LARP4B: variants seen among roughly 807,000 people sequenced by gnomAD.
LARP4B encodes la-related protein 4B.
Under a neutral mutation model 89.8 loss-of-function variants are expected in LARP4B, and 12 were observed. The ratio of observed to expected loss-of-function variants is 0.13; its 90% confidence interval spans 0.09 to 0.22. The LOEUF (loss-of-function observed/expected upper bound fraction) is 0.22, where lower values mean the gene tolerates loss of function less well. LARP4B is among the 10% of genes least tolerant of loss of function. LARP4B has a pLI of 1.00. For missense variants in LARP4B, 757 were observed against 947.7 expected, an observed-to-expected ratio of 0.80 and a Z score of 2.64; for synonymous variants, 367 against 363.3, an observed-to-expected ratio of 1.01 and a Z score of -0.12.
At chr10:954,655 C>T in the LARP4B span, among the ~76,000 whole-genome samples, 3 of 152,202 alleles carry the variant, frequency 2.0e-5, no homozygotes, top group East Asian at 1.9e-4. The surrounding 1 kb of genome is among the most constrained non-coding windows in gnomAD (Gnocchi z 5.0). Flanking sequence ...GGGGTGCGGC[C>T]GTGAGTGGCA....
intron 1 of LARP4B, among the ~76,000 whole-genome samples, chr10:927,035 G>T (rs1837158914): frequency 6.9e-6 from 1 of 143,896 alleles, no homozygotes; most frequent in Non-Finnish European, 1.5e-5. Flanking sequence ...ACGAGACTCG[G>T]TCTCAAAAAA....
intron 1 of LARP4B, among the ~76,000 whole-genome samples, chr10:926,811 T>C (rs1017497301): frequency 6.6e-6 from 1 of 152,168 alleles, no homozygotes; most frequent in East Asian, 1.9e-4. Flanking sequence ...CCAAGGCAGA[T>C]GGGTCACTTG....
intron 8 of LARP4B, among the ~76,000 whole-genome samples, chr10:835,031 C>A (rs1456664503): frequency 1.4e-5 from 2 of 141,584 alleles, no homozygotes. Context: ...CAGAGCAAGA[C>A]TCCGTCTCAA....
chr10:910,250 C>T (rs1268890446), intron 1 of LARP4B, among the ~76,000 whole-genome samples: 1 of 152,156 alleles, frequency 6.6e-6, no homozygotes, highest in Non-Finnish European at 1.5e-5. Context: ...CCAACTTCTG[C>T]TAATGGGGTG....
chr10:886,812 G>A (rs532028276), intron 1 of LARP4B, among the ~76,000 whole-genome samples: 43 of 152,226 alleles, frequency 2.8e-4, no homozygotes, highest in African/African-American at 8.2e-4. Flanking sequence ...GACTACCGCC[G>A]GGCACAGTGG....
At chr10:888,345 A>G (rs989431279) in intron 1 of LARP4B, among the ~76,000 whole-genome samples, 2 of 151,554 alleles carry the variant, frequency 1.3e-5, no homozygotes, top group South Asian at 2.1e-4. Context: ...AACAAAAAAA[A>G]AAAAACACAC....
At chr10:969,184 G>C in the LARP4B span, among the ~76,000 whole-genome samples, 3 of 152,166 alleles carry the variant, frequency 2.0e-5, no homozygotes, top group Admixed American at 2.0e-4. Flanking sequence ...TCAAATATTT[G>C]GGAGGAAAGT....
intron 5 of LARP4B, among the ~76,000 whole-genome samples, chr10:847,274 C>T (rs1225341445): frequency 6.6e-6 from 1 of 152,088 alleles, no homozygotes; most frequent in African/African-American, 2.4e-5. Context: ...CCCGGCACTG[C>T]AGACAGAGGA....
At chr10:965,397 T>C in the LARP4B span, among the ~76,000 whole-genome samples, 481 of 152,198 alleles carry the variant, frequency 3.2e-3, 4 homozygotes, top group African/African-American at 0.01. Context: ...CCCACCTCTG[T>C]GCGGCTCCTG....
intron 2 of LARP4B, among the ~76,000 whole-genome samples, chr10:885,184 C>T (rs1017587254): frequency 1.3e-5 from 2 of 152,186 alleles, no homozygotes; most frequent in South Asian, 2.1e-4. Context: ...AGGGGCCCTG[C>T]TCTGTACCAG....
chr10:893,467 G>A (rs1179574204), intron 1 of LARP4B, among the ~76,000 whole-genome samples: 3 of 152,134 alleles, frequency 2.0e-5, no homozygotes, highest in African/African-American at 7.2e-5. Context: ...AATTGGAAGT[G>A]TAACTTTTTA....
chr10:818,875 T>G (rs1191079769), intron 14 of LARP4B: 1 of 152,226 alleles, frequency 6.6e-6, no homozygotes, highest in Non-Finnish European at 1.5e-5. Context: ...AATCCCTGCA[T>G]CAGTAGATTC....
rs12257489 is a variant in LARP4B, at chr10:827,710, C to T, written c.1125+1675G>A. Among the ~76,000 whole-genome samples, 300 of 152,204 alleles carry T rather than the reference C, an allele frequency of 2.0e-3. 1 individual carries two copies. Among genetic ancestry groups the T allele is most frequent in the African/African-American group, 6.9e-3 (287 of 41,538 alleles). On this transcript the variant is annotated intron_variant, in intron 11 of 17. Coordinates refer to ENST00000316157, the MANE Select transcript of LARP4B (RefSeq NM_015155.3). ...AGAGGGTCAACCATGATTAAAGAAACGGAAGAAGCAACTGCTGCAGGAAGA... is the reference window on the plus strand; with the variant it reads ...AGAGGGTCAACCATGATTAAAGAAATGGAAGAAGCAACTGCTGCAGGAAGA...
At chr10:854,553 A>G (rs1233531608) in intron 5 of LARP4B, among the ~76,000 whole-genome samples, 1 of 152,170 alleles carries the variant, frequency 6.6e-6, no homozygotes, top group Non-Finnish European at 1.5e-5. Context: ...TCAATGAGAA[A>G]TTAAAATCTG....
chr10:834,007 AG>A (rs1305846650), intron 8 of LARP4B, among the ~76,000 whole-genome samples: 2 of 152,200 alleles, frequency 1.3e-5, no homozygotes, highest in South Asian at 4.1e-4. Context: ...TGGTTAAAAG[AG>A]GATAGAAAAG....
the LARP4B span, among the ~76,000 whole-genome samples, chr10:973,405 G>A: frequency 1.3e-5 from 2 of 152,060 alleles, no homozygotes; most frequent in Middle Eastern, 3.4e-3. Context: ...AGGCTGGAGT[G>A]CAGTGGCATG....
In LARP4B at chr10:836,294, C is replaced by T. The variant is rs890606400; in HGVS notation, c.750+109G>A. ...GGAAAACAGTGTTAATGTAAGTACT[C>T]AGTCTAAAAAACACACAGCCCAAAA... is the stretch of plus-strand genomic sequence containing the variant. On this transcript the variant is annotated intron_variant, in intron 8 of 17. Transcript: ENST00000316157. 4.0e-5 allele frequency: 28 copies of T among 698,960 alleles called. No homozygotes were observed. In the African/African-American group the frequency reaches 4.5e-4, roughly 11 times the overall value. The allele number at this position is 698,960 out of a possible 1,614,324, so 43.3% of individuals were successfully genotyped here. A position where few individuals can be genotyped will look rare whatever the true frequency, so the allele number is the denominator to read the frequency against.
At chr10:849,565 C>T (rs564358466) in intron 5 of LARP4B, among the ~76,000 whole-genome samples, 2 of 152,246 alleles carry the variant, frequency 1.3e-5, no homozygotes, top group East Asian at 1.9e-4. Context: ...AAATAATTTA[C>T]GAAGATTCGT....
intron 1 of LARP4B, among the ~76,000 whole-genome samples, chr10:928,114 C>T (rs1167990082): frequency 6.6e-6 from 1 of 151,368 alleles, no homozygotes; most frequent in Non-Finnish European, 1.5e-5. Flanking sequence ...CCCAGCTACT[C>T]GGGAGGCTGA....
Sources: allele counts gnomAD v4.1 joint callset (sites outside exome capture counted in the v4.1 genomes callset), GRCh38; gene constraint gnomAD v4.1.1; non-coding constraint Gnocchi (gnomAD v3.1); transcripts MANE v1.5; gene names NCBI Gene and HGNC (gene_info 2026-07-23, HGNC 2026-07-21).